Variants in TAFA5 observed in about 807,000 individuals in gnomAD.
TAFA5 encodes TAFA chemokine like family member 5.
A neutral mutation model predicts 15.3 loss-of-function variants in TAFA5; 6 were observed. The observed-to-expected ratio is 0.39, with a 90% CI of 0.21 to 0.77. The LOEUF (loss-of-function observed/expected upper bound fraction) is 0.77, where lower values mean the gene tolerates loss of function less well. TAFA5 is among the 30% of genes least tolerant of loss of function. The probability of loss-of-function intolerance (pLI) is 0.41; values close to 1 mark genes in which losing one functional copy is unlikely to be tolerated. For missense variants in TAFA5, 161 were observed against 193.1 expected, an observed-to-expected ratio of 0.83 and a Z score of 0.98; for synonymous variants, 103 against 80.7, an observed-to-expected ratio of 1.28 and a Z score of -1.48.
chr22:48,525,420 T>TC (rs1921747716), intron 1 of TAFA5, among the ~76,000 whole-genome samples: 1 of 152,162 alleles, frequency 6.6e-6, no homozygotes, highest in African/African-American at 2.4e-5. Flanking sequence ...CCTGCTGGAC[T>TC]CCGATTCCAG....
chr22:48,742,466 C>T lies in TAFA5; in HGVS notation c.391-7373C>T, dbSNP rs550286602. ...GGGTGGAGCGGGTGGTGCTGTGTGG[C>T]GGAGCTGGCGGCGCAGTGGAGCGGG... On this transcript the variant is annotated intron_variant, in intron 3 of 3. Coordinates refer to ENST00000402357, the MANE Select transcript of TAFA5 (RefSeq NM_001082967.3). This position sits in a 1 kb window ranked among gnomAD's most constrained non-coding sequence, Gnocchi z 6.2. 8.5e-5 allele frequency among the ~76,000 whole-genome samples: 13 copies of T among 152,232 alleles called. No homozygotes were observed. In the East Asian group the frequency reaches 9.7e-4, roughly 11 times the overall value.
intron 1 of TAFA5, among the ~76,000 whole-genome samples, chr22:48,615,770 G>C (rs1487793530): frequency 1.3e-5 from 2 of 152,166 alleles, no homozygotes; most frequent in African/African-American, 4.8e-5. Flanking sequence ...CTTCAGGGGA[G>C]GGCCAGGTCA....
At chr22:48,669,283 C>G (rs1013524726) in intron 2 of TAFA5, among the ~76,000 whole-genome samples, 13 of 152,244 alleles carry the variant, frequency 8.5e-5, no homozygotes, top group Non-Finnish European at 1.9e-4. Context: ...TCTCCAAACT[C>G]TGAAAAAGGA....
chr22:48,648,872 G>A (rs1223412648), intron 2 of TAFA5, among the ~76,000 whole-genome samples: 1 of 152,172 alleles, frequency 6.6e-6, no homozygotes, highest in Non-Finnish European at 1.5e-5. Flanking sequence ...CGGGAGAAAG[G>A]TGTTCTAATA....
intron 3 of TAFA5, among the ~76,000 whole-genome samples, chr22:48,749,590 G>A (rs1363567001): frequency 4.6e-5 from 7 of 152,190 alleles, no homozygotes; most frequent in South Asian, 4.1e-4. Flanking sequence ...GCCTCTGGCC[G>A]AGGCTGACAG....
intron 3 of TAFA5, among the ~76,000 whole-genome samples, chr22:48,723,006 G>T (rs983731783): frequency 6.6e-6 from 1 of 152,160 alleles, no homozygotes; most frequent in Admixed American, 6.5e-5. Flanking sequence ...GGAGAAGCTC[G>T]TTCTAGCTGT....
At chr22:48,536,067 G>A (rs371048942) in intron 1 of TAFA5, among the ~76,000 whole-genome samples, 131 of 152,342 alleles carry the variant, frequency 8.6e-4, no homozygotes, top group Middle Eastern at 6.8e-3. Context: ...CTGCACCGCC[G>A]CTTGGTGCCG....
intron 1 of TAFA5, among the ~76,000 whole-genome samples, chr22:48,614,082 G>A (rs556904286): frequency 1.0e-3 from 157 of 152,326 alleles, no homozygotes; most frequent in Non-Finnish European, 1.9e-3. Context: ...CCTCCCGGCC[G>A]ACGGGTGTTA....
At chr22:48,504,520 C>T (rs1468584740) in intron 1 of TAFA5, among the ~76,000 whole-genome samples, 2 of 152,054 alleles carry the variant, frequency 1.3e-5, no homozygotes, top group Non-Finnish European at 1.5e-5. Context: ...GCCGTGAGTC[C>T]GGGCACCTTG....
chr22:48,544,564 A>C (rs2147122658), intron 1 of TAFA5: 3 of 405,046 alleles, frequency 7.4e-6, no homozygotes, highest in South Asian at 5.5e-5. Flanking sequence ...CGCTAACTGC[A>C]TCAGCACATG....
At chr22:48,655,830 C>CTTTTTTTTGTTTTTTTTT (rs1927218199) in intron 2 of TAFA5, among the ~76,000 whole-genome samples, 1 of 62,410 alleles carries the variant, frequency 1.6e-5, no homozygotes, top group Non-Finnish European at 2.9e-5. Context: ...AACACTGATT[C>CTTTTTTTTGTTTTTTTTT]TTTTTTTTTT....
chr22:48,714,345 G>A (rs555618244), intron 3 of TAFA5, among the ~76,000 whole-genome samples: 1 of 152,344 alleles, frequency 6.6e-6, no homozygotes, highest in East Asian at 1.9e-4. Context: ...GACAAGCAGA[G>A]CTGAGCCCCA....
chr22:48,595,736 C>T (rs975032344), intron 1 of TAFA5, among the ~76,000 whole-genome samples: 1 of 152,254 alleles, frequency 6.6e-6, no homozygotes. Context: ...CTGTTTAATT[C>T]GTGTCTACAC....
intron 1 of TAFA5, chr22:48,538,765 A>G (rs1922257770): frequency 6.6e-6 from 1 of 152,274 alleles, no homozygotes; most frequent in South Asian, 2.1e-4. Flanking sequence ...CCTGGGTCAC[A>G]CCCACAAACA....
intron 2 of TAFA5, among the ~76,000 whole-genome samples, chr22:48,678,033 C>T (rs977839993): frequency 6.6e-6 from 1 of 152,144 alleles, no homozygotes; most frequent in African/African-American, 2.4e-5. Flanking sequence ...CCTGGGGCTC[C>T]CTATCCCCGC....
chr22:48,737,162 C>T lies in TAFA5; in HGVS notation c.391-12677C>T, dbSNP rs540959912. 1.6e-4 allele frequency among the ~76,000 whole-genome samples: 24 copies of T among 152,170 alleles called. No individual in the cohort carries two copies. The East Asian group carries it at 3.1e-3, about 20-fold the overall frequency. Reference sequence around the variant, plus strand: ...TTGATGTGAGGACTCTGCCCCGTGTCGAGCTCAGAGGCCAGACACCTGGCC... The same window carrying T: ...TTGATGTGAGGACTCTGCCCCGTGTTGAGCTCAGAGGCCAGACACCTGGCC... On this transcript the variant is annotated intron_variant, in intron 3 of 3. Transcript: ENST00000402357.
intron 3 of TAFA5, among the ~76,000 whole-genome samples, chr22:48,718,920 C>T (rs992317674): frequency 5.9e-5 from 9 of 152,214 alleles, no homozygotes; most frequent in Non-Finnish European, 1.2e-4. Context: ...GGCTCACTGT[C>T]ACCATGGCTG....
At chr22:48,675,689 C>T (rs1375948950) in intron 2 of TAFA5, among the ~76,000 whole-genome samples, 1 of 152,278 alleles carries the variant, frequency 6.6e-6, no homozygotes, top group Non-Finnish European at 1.5e-5. Flanking sequence ...CCTCTGCAGT[C>T]TCCAAGCATC....
chr22:48,500,222 C>G (rs1356502964), intron 1 of TAFA5, among the ~76,000 whole-genome samples: 1 of 152,162 alleles, frequency 6.6e-6, no homozygotes, highest in African/African-American at 2.4e-5. Context: ...GCCTCAGACT[C>G]CAAGGCCCCA....
Sources: gnomAD v4.1 joint callset for allele counts (sites outside exome capture counted in the v4.1 genomes callset) on GRCh38, gnomAD v4.1.1 for gene constraint, Gnocchi (gnomAD v3.1) non-coding constraint, MANE v1.5 for transcripts, NCBI Gene and HGNC (gene_info 2026-07-23, HGNC 2026-07-21) for gene names.